Variants in CCZ1B observed in about 807,000 individuals in gnomAD.
CCZ1B encodes vacuolar fusion protein CCZ1 homolog B.
Under a neutral mutation model 58.8 loss-of-function variants are expected in CCZ1B, and 25 were observed. The observed-to-expected ratio is 0.43, with a 90% CI of 0.31 to 0.59. The LOEUF (loss-of-function observed/expected upper bound fraction) is 0.59, where lower values mean the gene tolerates loss of function less well. CCZ1B is among the 20% of genes least tolerant of loss of function. The probability of loss-of-function intolerance (pLI) is 0.12; values close to 1 mark genes in which losing one functional copy is unlikely to be tolerated. For synonymous variants in CCZ1B, 66 were observed against 173.2 expected, an observed-to-expected ratio of 0.38 and a Z score of 4.86; for missense variants, 180 against 501.5, an observed-to-expected ratio of 0.36 and a Z score of 6.12.
At position 6,818,773 on chromosome 7, in the gene CCZ1B, G is replaced by A. The variant is rs572608502; in HGVS notation, c.698+993C>T. 1.3e-5 allele frequency among the ~76,000 whole-genome samples: 2 copies of A among 148,384 alleles called. 1 individual carries two copies. Among genetic ancestry groups the A allele is most frequent in the African/African-American group, 5.1e-5 (2 of 39,052 alleles). On this transcript the variant is annotated intron_variant, in intron 7 of 14. Transcript: ENST00000316731. ...AGTCAATGGGAACATAAAACTTGAGGGTCCCGGAACAGCTGCAAGCCTTGA... is the reference window on the plus strand; with the variant it reads ...AGTCAATGGGAACATAAAACTTGAGAGTCCCGGAACAGCTGCAAGCCTTGA...
At chr7:6,815,228 C>G (rs561889775) in intron 7 of CCZ1B, among the ~76,000 whole-genome samples, 1 of 144,738 alleles carries the variant, frequency 6.9e-6, no homozygotes, top group Non-Finnish European at 1.5e-5. Flanking sequence ...AGCAGTGGTG[C>G]GATCATGGCT....
chr7:6,811,656 G>C (rs1280254646), intron 10 of CCZ1B: 6 of 333,176 alleles, frequency 1.8e-5, no homozygotes, highest in Non-Finnish European at 3.4e-5. Context: ...GAGCCATTTC[G>C]AGAACAGGCA....
At position 6,820,622 on chromosome 7, in the gene CCZ1B, T is replaced by A. The variant is rs1783093313; in HGVS notation, c.523-681A>T. Among the ~76,000 whole-genome samples the A allele has an allele frequency of 3.4e-5, 5 of 148,932 alleles. No homozygotes were observed. The South Asian group carries it at 1.1e-3, about 32-fold the overall frequency. ...TGAGCCACTGTGCCCAGCTAGCACT[T>A]TCAAGTATTTAATTCCTGGCCAGGC... On this transcript the variant is annotated intron_variant, in intron 6 of 14. Coordinates refer to ENST00000316731, the MANE Select transcript of CCZ1B (RefSeq NM_198097.5).
intron 7 of CCZ1B, among the ~76,000 whole-genome samples, chr7:6,815,725 C>T (rs1341210452): frequency 6.7e-6 from 1 of 149,250 alleles, no homozygotes; most frequent in Non-Finnish European, 1.5e-5. Flanking sequence ...CAAAAGGCTA[C>T]TCCTACAGTC....
chr7:6,812,407 T>G lies in CCZ1B; in HGVS notation c.843-344A>C. 9.3e-6 allele frequency: 3 copies of G among 324,100 alleles called. No individual in the cohort carries two copies. In the East Asian group the frequency reaches 2.0e-4, roughly 22 times the overall value. The allele number at this position is 324,100 out of a possible 1,614,324, so 20.1% of individuals were successfully genotyped here. ...GAGAGGCTGAGGCAGGGGAATTGCT[T>G]GAACCCAGGAGATGGAGGCTGCAGT... On this transcript the variant is annotated intron_variant, in intron 9 of 14. Coordinates refer to ENST00000316731, the MANE Select transcript of CCZ1B (RefSeq NM_198097.5).
intron 6 of CCZ1B, among the ~76,000 whole-genome samples, chr7:6,820,304 G>C (rs1783087948): frequency 6.7e-6 from 1 of 149,076 alleles, no homozygotes; most frequent in Admixed American, 6.7e-5. Flanking sequence ...TCAGCCTCCT[G>C]AGCAGCTGGG....
At position 6,819,765 on chromosome 7, in the gene CCZ1B, C is replaced by T. The variant is rs752473263; in HGVS notation, c.698+1G>A. 2 of 1,492,676 alleles carry T rather than the reference C, an allele frequency of 1.3e-6. No homozygotes were observed. The highest frequency in any genetic ancestry group is 1.5e-5 in the African/African-American group (1 of 66,404). 92.5% of individuals were successfully genotyped at this position (1,492,676 alleles called of 1,614,324 possible). On this transcript the variant is annotated splice_donor_variant, in intron 7 of 14. Transcript: ENST00000316731. LOFTEE classifies it high-confidence loss of function. ...AATACCATGCCTCGGGGTGTACCTA[C>T]CAGATGAGCTGATCGTTATAGAGAA...
In CCZ1B at chr7:6,816,400, G is replaced by C. The variant is rs187911937; in HGVS notation, c.699-1555C>G. Among the ~76,000 whole-genome samples the C allele has an allele frequency of 1.7e-4, 26 of 148,690 alleles. No homozygotes were observed. In the East Asian group the frequency reaches 5.0e-3, roughly 29 times the overall value. On this transcript the variant is annotated intron_variant, in intron 7 of 14. Coordinates refer to ENST00000316731, the MANE Select transcript of CCZ1B (RefSeq NM_198097.5). ...GGAGACTGAGGCATGAGAATCGCTT[G>C]AACCTGGGAGGCGCAGGCTGAAGTG...
chr7:6,822,954 C>T (rs1210844959), intron 5 of CCZ1B, among the ~76,000 whole-genome samples: 1 of 146,314 alleles, frequency 6.8e-6, no homozygotes, highest in Non-Finnish European at 1.5e-5. Flanking sequence ...AATCCTCCCA[C>T]CTTAGCCTCC....
Position 6,818,727 on chromosome 7 carries a change from G to GACAAGAAAGAAAGAAAGAAAGAAAT in CCZ1B, c.698+1038_698+1039insATTTCTTTCTTTCTTTCTTTCTTGT, listed in dbSNP as rs1783059574. Among the ~76,000 whole-genome samples the GACAAGAAAGAAAGAAAGAAAGAAAT allele has an allele frequency of 1.4e-5, 2 of 140,804 alleles. 1 individual carries two copies. Among genetic ancestry groups the GACAAGAAAGAAAGAAAGAAAGAAAT allele is most frequent in the African/African-American group, 5.5e-5 (2 of 36,390 alleles). 92.4% of individuals were successfully genotyped at this position (140,804 alleles called of 152,430 possible). A position where few individuals can be genotyped will look rare whatever the true frequency, so the allele number is the denominator to read the frequency against. ...GAAAGAAAGACAAGAAAGAAAGAAA[G>GACAAGAAAGAAAGAAAGAAAGAAAT]AAAGAAAGAAAGAGGGCTCTAGTCA... On this transcript the variant is annotated intron_variant, in intron 7 of 14. Coordinates refer to ENST00000316731, the MANE Select transcript of CCZ1B (RefSeq NM_198097.5).
rs576077222 is a variant in CCZ1B at position 6,818,561 on chromosome 7, A to C, written c.698+1205T>G. Among the ~76,000 whole-genome samples, 27 of 97,304 alleles carry C rather than the reference A, an allele frequency of 2.8e-4. 1 individual carries two copies. Among genetic ancestry groups the C allele is most frequent in the Admixed American group, 5.5e-4 (4 of 7,314 alleles). 63.8% of individuals were successfully genotyped at this position (97,304 alleles called of 152,430 possible). A position where few individuals can be genotyped will look rare whatever the true frequency, so the allele number is the denominator to read the frequency against. On this transcript the variant is annotated intron_variant, in intron 7 of 14. Transcript: ENST00000316731. The stretch of plus-strand genomic sequence containing the variant: ...AGACTCCGTTAGAAAGAAAGAAAGA[A>C]AGACAGAAAGAAAGACAGAAAGAAA...
At position 6,819,376 on chromosome 7, in the gene CCZ1B, C is replaced by T. The variant is rs549773418; in HGVS notation, c.698+390G>A. On this transcript the variant is annotated intron_variant, in intron 7 of 14. Transcript: ENST00000316731. ...TCAGCCTCCTGAGTAGCTGGGATTA[C>T]AGGCATGCACCACCACGCCCAGCTA... Among the ~76,000 whole-genome samples the T allele has an allele frequency of 4.4e-3, 644 of 147,886 alleles. 56 individuals carry two copies. The highest frequency in any genetic ancestry group is 0.016 in the African/African-American group (616 of 38,938).
Position 6,799,282 on chromosome 7 carries a change from G to A in CCZ1B, c.1394-3C>T, listed in dbSNP as rs765591634. The stretch of plus-strand genomic sequence containing the variant: ...TGCACAAAGTTTCTTGACCTCTTCT[G>A]CAACAAGGACACAACAGTGAGGAAG... On this transcript the variant is annotated splice_polypyrimidine_tract_variant and splice_region_variant and intron_variant, in intron 14 of 14. Transcript: ENST00000316731. 5.7e-5 allele frequency: 61 copies of A among 1,075,134 alleles called. 17 individuals are homozygous for A. The highest frequency in any genetic ancestry group is 2.4e-6 in the Non-Finnish European group (2 of 843,854). The allele number at this position is 1,075,134 out of a possible 1,614,324, so 66.6% of individuals were successfully genotyped here. A position where few individuals can be genotyped will look rare whatever the true frequency, so the allele number is the denominator to read the frequency against.
intron 6 of CCZ1B, among the ~76,000 whole-genome samples, chr7:6,822,045 A>G (rs1022672828): frequency 4.7e-5 from 7 of 149,328 alleles, no homozygotes; most frequent in Non-Finnish European, 1.0e-4. Flanking sequence ...GGACCCTTTA[A>G]GAGCCCCGGG....
chr7:6,816,076 A>G (rs1355523177), intron 7 of CCZ1B, among the ~76,000 whole-genome samples: 1 of 148,036 alleles, frequency 6.8e-6, no homozygotes, highest in East Asian at 1.9e-4. Context: ...GGAGCAGCAC[A>G]TGGAAAAAGC....
intron 7 of CCZ1B, among the ~76,000 whole-genome samples, chr7:6,818,612 AAAGAC>A (rs1183353695): frequency 2.2e-4 from 29 of 131,672 alleles, no homozygotes; most frequent in African/African-American, 8.3e-4. Context: ...AGAAAGAAAG[AAAGAC>A]AAGAAAGAAA....
intron 7 of CCZ1B, among the ~76,000 whole-genome samples, chr7:6,818,545 T>TAGAA (rs1190526094): frequency 2.1e-5 from 3 of 139,774 alleles, no homozygotes; most frequent in East Asian, 2.0e-4. Flanking sequence ...GAGACTCCGT[T>TAGAA]AGAAAGAAAG....
intron 8 of CCZ1B, among the ~76,000 whole-genome samples, chr7:6,814,140 C>T (rs1202738079): frequency 6.8e-6 from 1 of 147,984 alleles, no homozygotes; most frequent in Non-Finnish European, 1.5e-5. Context: ...GAACGAAACT[C>T]TGTCCCAATA....
At chr7:6,812,467 G>C in intron 9 of CCZ1B, 2 of 206,522 alleles carry the variant, frequency 9.7e-6, no homozygotes, top group South Asian at 1.2e-4. Context: ...CCACACTCCA[G>C]CCTGAGCGAC....
Sources: allele counts gnomAD v4.1 joint callset (sites outside exome capture counted in the v4.1 genomes callset), GRCh38; gene constraint gnomAD v4.1.1; transcripts MANE v1.5; gene names NCBI Gene and HGNC (gene_info 2026-07-23, HGNC 2026-07-21).